CA5B: variants seen among roughly 807,000 people sequenced by gnomAD.
The protein encoded by CA5B is carbonic anhydrase 5B, mitochondrial.
A neutral mutation model predicts 23.1 loss-of-function variants in CA5B; 15 were observed. That is an observed-to-expected ratio of 0.65 (90% CI 0.43 to 1.00). The LOEUF is 1.00. Among genes scored for constraint, CA5B ranks in the 50% least tolerant of loss-of-function variants. The probability of loss-of-function intolerance (pLI) is 0.00; values close to 1 mark genes in which losing one functional copy is unlikely to be tolerated. For synonymous variants in CA5B, 84 were observed against 98.5 expected (o/e 0.85, Z 0.87); for missense variants, 236 against 252.2 (o/e 0.94, Z 0.43).
intron 2 of CA5B, among the ~76,000 whole-genome samples, chrX:15,759,428 C>G (rs984878881): frequency 1.8e-5 from 2 of 111,551 alleles, no homozygotes. Context: ...GTACCTTGTA[C>G]CATGTGAAGA....
intron 2 of CA5B, among the ~76,000 whole-genome samples, chrX:15,761,449 G>A (rs1336584217): frequency 1.8e-5 from 2 of 112,179 alleles, no homozygotes; most frequent in African/African-American, 6.5e-5. Flanking sequence ...CATTTCAGAT[G>A]TGCCAGTTCA....
chrX:15,774,660 C>A (rs893194350), intron 5 of CA5B, among the ~76,000 whole-genome samples: 4 of 110,783 alleles, frequency 3.6e-5, no homozygotes, highest in Non-Finnish European at 7.6e-5. Flanking sequence ...ATGGGGAAAC[C>A]CTGTTTCTAC....
In CA5B at chrX:15,740,935, G is replaced by T. The variant is rs779179900; in HGVS notation, c.-54+2583G>T. Among the ~76,000 whole-genome samples the T allele has an allele frequency of 6.3e-5, 7 of 111,458 alleles. No individual in the cohort carries two copies. In the Admixed American group the frequency reaches 6.6e-4, roughly 10 times the overall value. On this transcript the variant is annotated intron_variant, in intron 1 of 7. Transcript: ENST00000318636. ...AAAAATTAGCTGGACGTGGTGGTAC[G>T]CCTGTGGTCCCAGCTACTTGGGAGG...
intron 7 of CA5B, among the ~76,000 whole-genome samples, chrX:15,779,346 A>T (rs750300762): frequency 4.0e-4 from 45 of 111,851 alleles, no homozygotes; most frequent in African/African-American, 1.4e-3. Context: ...AGGGAGGGCC[A>T]TTCACTTTAC....
chrX:15,748,752 A>G (rs1328626951), intron 1 of CA5B, among the ~76,000 whole-genome samples: 2 of 100,256 alleles, frequency 2.0e-5, no homozygotes, highest in African/African-American at 7.2e-5. Flanking sequence ...AAAAAAAATA[A>G]AGTTAGCCAG....
At chrX:15,782,118 A>G (rs1336639208) in intron 7 of CA5B, among the ~76,000 whole-genome samples, 1 of 111,905 alleles carries the variant, frequency 8.9e-6, no homozygotes, top group Non-Finnish European at 1.9e-5. Context: ...CTCATTCTGT[A>G]AGCTGGCTGT....
chrX:15,755,621 T>A (rs993503727), intron 2 of CA5B, among the ~76,000 whole-genome samples: 5 of 112,217 alleles, frequency 4.5e-5, no homozygotes, highest in Non-Finnish European at 9.4e-5. Flanking sequence ...GCCACAAATA[T>A]GAGCCGTATG....
intron 2 of CA5B, chrX:15,762,788 G>A (rs1435728775): frequency 2.8e-6 from 1 of 361,896 alleles, no homozygotes; most frequent in Non-Finnish European, 5.6e-6. Context: ...TAGTTTTCCT[G>A]TTGTTCTTGA....
chrX:15,774,835 C>G (rs1256280737), intron 5 of CA5B, among the ~76,000 whole-genome samples: 3 of 111,351 alleles, frequency 2.7e-5, no homozygotes, highest in Non-Finnish European at 3.8e-5. Flanking sequence ...GAGACTCCAT[C>G]CCCCCCACCA....
intron 2 of CA5B, among the ~76,000 whole-genome samples, chrX:15,750,764 G>A (rs1230209504): frequency 1.8e-5 from 2 of 112,054 alleles, no homozygotes; most frequent in Admixed American, 1.9e-4. Context: ...GGCAGGAAAT[G>A]GTCTTCCTCA....
intron 2 of CA5B, among the ~76,000 whole-genome samples, chrX:15,763,728 AG>A (rs1004412625): frequency 3.6e-5 from 4 of 112,328 alleles, no homozygotes; most frequent in Non-Finnish European, 7.5e-5. Flanking sequence ...GTCCCATGAC[AG>A]GCCATCTGCA....
intron 2 of CA5B, among the ~76,000 whole-genome samples, chrX:15,759,734 CTTTTTTTTTTTTTTTT>C (rs56915078): frequency 8.0e-4 from 30 of 37,400 alleles, no homozygotes; most frequent in African/African-American, 3.7e-3. Flanking sequence ...TTACTGACAC[CTTTTTTTTTTTTTTTT>C]TTTTTTTTTT....
chrX:15,782,506 C>T lies in CA5B; in HGVS notation c.796C>T (p.Leu266Phe). 1 of 1,210,879 alleles carries T rather than the reference C, an allele frequency of 8.3e-7. No individual in the cohort carries two copies. Among genetic ancestry groups the T allele is most frequent in the Non-Finnish European group, 1.1e-6 (1 of 894,800 alleles). ...HDQLEQFRTL[L>F]FTSEGEKEKR... Reference sequence around the variant, plus strand: ...CTAGCTTGAGCAATTTCGGACCCTGCTTTTCACTTCCGAAGGGGAGAAAGA... The same window carrying T: ...CTAGCTTGAGCAATTTCGGACCCTGTTTTTCACTTCCGAAGGGGAGAAAGA... The change falls in exon 8 of 8, where the codon CTT becomes TTT. Residue 266 changes from leucine to phenylalanine, a missense_variant. Coordinates refer to ENST00000318636, the MANE Select transcript of CA5B (RefSeq NM_007220.4).
intron 2 of CA5B, among the ~76,000 whole-genome samples, chrX:15,755,998 A>G (rs1931479863): frequency 8.9e-6 from 1 of 112,002 alleles, no homozygotes; most frequent in Non-Finnish European, 1.9e-5. Context: ...GTACATTTAT[A>G]TAGTACATCT....
intron 7 of CA5B, among the ~76,000 whole-genome samples, chrX:15,779,987 G>C (rs1172833474): frequency 9.0e-6 from 1 of 111,295 alleles, no homozygotes; most frequent in African/African-American, 3.3e-5. Context: ...TTTATTTTCT[G>C]GTCTAACTGT....
intron 4 of CA5B, 148 bp downstream of exon 4, chrX:15,772,762 A>G (rs747842546): frequency 8.2e-5 from 31 of 378,098 alleles, no homozygotes; most frequent in African/African-American, 5.8e-4. Context: ...CAGCTAAGAC[A>G]TGTAAAAATG....
chrX:15,785,323 G>A lies in CA5B; in HGVS notation c.*2659G>A, dbSNP rs1932094018. On this transcript the variant is annotated 3_prime_UTR_variant, in exon 8 of 8. Transcript: ENST00000318636. ...GGAAATGTGGTATATACAGTCAATG[G>A]AATATTATTCAGCCTTTAAAAAGAA... 2 of 112,484 alleles carry A rather than the reference G, an allele frequency of 1.8e-5. No individual in the cohort carries two copies. Among genetic ancestry groups the A allele is most frequent in the Non-Finnish European group, 1.9e-5 (1 of 53,330 alleles). The allele number at this position is 112,484 out of a possible 1,213,427, so 9.3% of individuals were successfully genotyped here.
At chrX:15,753,248 A>C in intron 2 of CA5B, among the ~76,000 whole-genome samples, 1 of 112,770 alleles carries the variant, frequency 8.9e-6, no homozygotes. Flanking sequence ...GGTTTGGCCT[A>C]GAAAGGTAGG....
At chrX:15,766,829 A>G in intron 3 of CA5B, 1 of 280,993 alleles carries the variant, frequency 3.6e-6, no homozygotes, top group Non-Finnish European at 6.7e-6. Context: ...GTTTTGTTAC[A>G]TGGATATATT....
Sources: allele counts gnomAD v4.1 joint callset (sites outside exome capture counted in the v4.1 genomes callset), GRCh38; gene constraint gnomAD v4.1.1; transcripts MANE v1.5; gene names NCBI Gene and HGNC (gene_info 2026-07-23, HGNC 2026-07-21).